MYL4: variants seen among roughly 807,000 people sequenced by gnomAD.
MYL4 encodes atrial myosin light chain 1.
MYL4 carries 16 observed loss-of-function variants against 21.6 expected under a neutral mutation model. The observed-to-expected ratio is 0.74, with a 90% CI of 0.50 to 1.12. The LOEUF (loss-of-function observed/expected upper bound fraction) is 1.12. Ranked by LOEUF, MYL4 falls within the 50% of genes most tolerant of loss-of-function variation. MYL4 has a pLI of 0.00. For missense variants in MYL4, 249 were observed against 252.9 expected, an observed-to-expected ratio of 0.98 and a Z score of 0.11; for synonymous variants, 82 against 95.7, an observed-to-expected ratio of 0.86 and a Z score of 0.83.
chr17:47,194,601 A>G, the MYL4 span, among the ~76,000 whole-genome samples: 1 of 151,988 alleles, frequency 6.6e-6, no homozygotes, highest in African/African-American at 2.4e-5. Context: ...TCCTTCCTGT[A>G]TCTTATCTAC....
At chr17:47,212,905 A>G (rs1433784442) in intron 1 of MYL4, among the ~76,000 whole-genome samples, 1 of 152,218 alleles carries the variant, frequency 6.6e-6, no homozygotes, top group Non-Finnish European at 1.5e-5. Flanking sequence ...GTAGGAGCTC[A>G]GTACAAACCA....
the MYL4 span, among the ~76,000 whole-genome samples, chr17:47,191,375 A>C: frequency 6.6e-6 from 1 of 152,246 alleles, no homozygotes; most frequent in Admixed American, 6.5e-5. Flanking sequence ...GACCCTTTCA[A>C]CTGAACACAG....
intron 1 of MYL4, among the ~76,000 whole-genome samples, chr17:47,211,415 C>A (rs1032029810): frequency 1.3e-5 from 2 of 151,986 alleles, no homozygotes; most frequent in Non-Finnish European, 2.9e-5. Context: ...AAAAAAGATT[C>A]GAAGATAGAA....
intron 1 of MYL4, among the ~76,000 whole-genome samples, chr17:47,210,554 G>A (rs1034267890): frequency 7.2e-5 from 11 of 152,100 alleles, no homozygotes; most frequent in African/African-American, 2.7e-4. Flanking sequence ...GGCTGGGGGT[G>A]GTGAGGGATC....
chr17:47,223,085 C>A, intron 6 of MYL4, 28 bp downstream of exon 6: 1 of 1,612,522 alleles, frequency 6.2e-7, no homozygotes, highest in East Asian at 2.2e-5. Context: ...CTCCTGGTCC[C>A]TTCCGGGGTC....
intron 1 of MYL4, among the ~76,000 whole-genome samples, chr17:47,201,070 G>A (rs1049526455): frequency 6.6e-6 from 1 of 152,182 alleles, no homozygotes; most frequent in Non-Finnish European, 1.5e-5. Context: ...TACTGAGGAG[G>A]CTGAGGCAGA....
At chr17:47,224,038 AC>A (rs1354767756), downstream of MYL4, among the ~76,000 whole-genome samples, 1 of 150,732 alleles carries the variant, frequency 6.6e-6, no homozygotes, top group Non-Finnish European at 1.5e-5. Context: ...CTGCTTTTAA[AC>A]AAAAATTGTT....
chr17:47,213,884 G>A (rs1163506853), intron 2 of MYL4, 58 bp downstream of exon 2: 4 of 1,573,058 alleles, frequency 2.5e-6, no homozygotes, highest in Non-Finnish European at 3.5e-6. Flanking sequence ...AGGAGGAGGA[G>A]GAGGAGGAAG....
At chr17:47,195,798 A>C (rs879294220), upstream of MYL4, among the ~76,000 whole-genome samples, 8 of 151,620 alleles carry the variant, frequency 5.3e-5, no homozygotes, top group Non-Finnish European at 8.8e-5. Context: ...CCCTGCTGTT[A>C]CTCTAGTGCT....
At chr17:47,225,096 G>T (rs1390767235), downstream of MYL4, among the ~76,000 whole-genome samples, 18 of 152,298 alleles carry the variant, frequency 1.2e-4, no homozygotes, top group Admixed American at 9.8e-4. Flanking sequence ...TGGCCTTTCT[G>T]TTGCCTAACT....
intron 1 of MYL4, among the ~76,000 whole-genome samples, chr17:47,201,155 T>C (rs990846441): frequency 6.6e-6 from 1 of 152,132 alleles, no homozygotes; most frequent in African/African-American, 2.4e-5. Context: ...GGTGACAGAG[T>C]GAGACTCCGT....
At chr17:47,203,284 A>C (rs1488329594) in intron 1 of MYL4, among the ~76,000 whole-genome samples, 1 of 152,160 alleles carries the variant, frequency 6.6e-6, no homozygotes, top group Non-Finnish European at 1.5e-5. Flanking sequence ...TTGTCAATTA[A>C]ATGTAAACGT....
intron 1 of MYL4, among the ~76,000 whole-genome samples, chr17:47,203,287 G>A (rs1239046484): frequency 6.6e-6 from 1 of 152,058 alleles, no homozygotes; most frequent in African/African-American, 2.4e-5. Context: ...TCAATTAAAT[G>A]TAAACGTACT....
chr17:47,195,804 G>A (rs1330525228), upstream of MYL4, among the ~76,000 whole-genome samples: 1 of 152,082 alleles, frequency 6.6e-6, no homozygotes, highest in South Asian at 2.1e-4. Flanking sequence ...TGTTACTCTA[G>A]TGCTACCAGA....
chr17:47,219,435 T>C (rs1386321145), intron 2 of MYL4, among the ~76,000 whole-genome samples: 1 of 152,004 alleles, frequency 6.6e-6, no homozygotes, highest in East Asian at 1.9e-4. Context: ...TGTCTGTCAT[T>C]TCAGGAGTCA....
chr17:47,197,168 G>C (rs996252522), upstream of MYL4, among the ~76,000 whole-genome samples: 1 of 144,990 alleles, frequency 6.9e-6, no homozygotes, highest in Non-Finnish European at 1.5e-5. Context: ...GCGCTATCTC[G>C]GCTCACTGCA....
chr17:47,222,105 G>C (rs1030065297), intron 4 of MYL4, among the ~76,000 whole-genome samples: 2 of 152,110 alleles, frequency 1.3e-5, no homozygotes, highest in Non-Finnish European at 2.9e-5. Context: ...TTACTACTGA[G>C]GCCTGAGAGG....
chr17:47,219,529 G>A (rs1257699291), intron 2 of MYL4, among the ~76,000 whole-genome samples: 1 of 152,108 alleles, frequency 6.6e-6, no homozygotes, highest in African/African-American at 2.4e-5. Flanking sequence ...TTTGTTTCAA[G>A]ATGGAGTTTC....
chr17:47,191,288 G>A, the MYL4 span, among the ~76,000 whole-genome samples: 8 of 152,280 alleles, frequency 5.3e-5, no homozygotes, highest in Admixed American at 5.2e-4. Flanking sequence ...AATCTACCAC[G>A]CTAGATATGA....
Sources: gnomAD v4.1 joint callset for allele counts (sites outside exome capture counted in the v4.1 genomes callset) on GRCh38, gnomAD v4.1.1 for gene constraint, MANE v1.5 for transcripts, NCBI Gene and HGNC (gene_info 2026-07-23, HGNC 2026-07-21) for gene names.